EFHC2: variants seen among roughly 807,000 people sequenced by gnomAD.
The protein encoded by EFHC2 is EF-hand domain-containing family member C2.
EFHC2 carries 18 observed loss-of-function variants against 52.7 expected under a neutral mutation model. The observed-to-expected ratio is 0.34, with a 90% CI of 0.24 to 0.51. The LOEUF is 0.51. EFHC2 is among the 20% of genes least tolerant of loss of function. The pLI, the probability that EFHC2 is intolerant of heterozygous loss-of-function variation, is 0.97. For missense variants in EFHC2, 513 were observed against 562.5 expected (o/e 0.91, Z 0.89); for synonymous variants, 203 against 204.1 (o/e 0.99, Z 0.04).
intron 3 of EFHC2, among the ~76,000 whole-genome samples, chrX:44,264,155 T>C (rs1028145006): frequency 3.6e-5 from 4 of 112,285 alleles, no homozygotes; most frequent in African/African-American, 1.3e-4. Context: ...GATCTTGAAG[T>C]TGGGCTTTCA....
intron 10 of EFHC2, among the ~76,000 whole-genome samples, chrX:44,232,236 T>G (rs2037283518): frequency 8.9e-6 from 1 of 112,409 alleles, no homozygotes; most frequent in African/African-American, 3.2e-5. Flanking sequence ...CCCTGCCTCC[T>G]GCCTGTGCCT....
intron 1 of EFHC2, among the ~76,000 whole-genome samples, chrX:44,330,009 GAGGCTGAGGC>G (rs1427238699): frequency 6.6e-5 from 7 of 105,710 alleles, no homozygotes. Flanking sequence ...AGCACTGTGG[GAGGCTGAGGC>G]AGGTGCATCT....
At chrX:44,152,250 T>G (rs191468847) in intron 14 of EFHC2, among the ~76,000 whole-genome samples, 5 of 111,584 alleles carry the variant, frequency 4.5e-5, no homozygotes, top group African/African-American at 1.6e-4. Flanking sequence ...ATAAGTATTA[T>G]GATGATAATC....
chrX:44,224,308 T>C (rs73196193), intron 11 of EFHC2, among the ~76,000 whole-genome samples: 3,720 of 112,060 alleles, frequency 0.033, 81 homozygotes, highest in Non-Finnish European at 0.05. Flanking sequence ...CACCATGCAC[T>C]AGTCAGCTAC....
intron 4 of EFHC2, among the ~76,000 whole-genome samples, chrX:44,250,825 GAAAAAAA>G (rs752731813): frequency 2.1e-5 from 1 of 46,982 alleles, no homozygotes; most frequent in Non-Finnish European, 4.5e-5. Flanking sequence ...ACTCCATTTC[GAAAAAAA>G]AAAAAAAAAA....
intron 13 of EFHC2, among the ~76,000 whole-genome samples, chrX:44,168,504 C>A (rs961177667): frequency 9.2e-6 from 1 of 108,511 alleles, no homozygotes; most frequent in African/African-American, 3.4e-5. Context: ...TACACTCCGG[C>A]CTGGGCGACA....
chrX:44,311,412 A>C (rs2037946866), intron 2 of EFHC2, among the ~76,000 whole-genome samples: 2 of 111,998 alleles, frequency 1.8e-5, no homozygotes, highest in Non-Finnish European at 3.8e-5. Flanking sequence ...AGCTGCTAAA[A>C]ACCACCTGGT....
At chrX:44,172,577 G>C (rs1162263692) in intron 13 of EFHC2, among the ~76,000 whole-genome samples, 1 of 111,717 alleles carries the variant, frequency 9.0e-6, no homozygotes. Context: ...AAAAATGAAC[G>C]AGATCTAGTC....
chrX:44,272,771 T>C lies in EFHC2; in HGVS notation c.297A>G (p.Ile99Met). 2.6e-6 allele frequency: 3 copies of C among 1,167,519 alleles called. No homozygotes were observed. The South Asian group carries it at 5.7e-5, about 22-fold the overall frequency. ...VLDKSQTNYR[I>M]RYYKIYFYPE... Reference sequence around the variant, plus strand: ...GGTAGAAGTAGATTTTATAGTATCTTATTCTGTAGTTGGTTTGGCTTTTAT... The same window carrying C: ...GGTAGAAGTAGATTTTATAGTATCTCATTCTGTAGTTGGTTTGGCTTTTAT... Residue 99 changes from isoleucine (I) to methionine (M), a missense_variant, in exon 3 of 15, where the codon ATA becomes ATG. Ile to Met is a conservative substitution (Grantham distance 10). Transcript: ENST00000420999.
At chrX:44,308,366 T>C (rs1454292786) in intron 2 of EFHC2, among the ~76,000 whole-genome samples, 1 of 108,629 alleles carries the variant, frequency 9.2e-6, no homozygotes, top group Admixed American at 1.0e-4. Context: ...TTTAATTTAA[T>C]CATAGCACAT....
At chrX:44,270,077 G>A (rs889106391) in intron 3 of EFHC2, among the ~76,000 whole-genome samples, 4 of 111,481 alleles carry the variant, frequency 3.6e-5, no homozygotes, top group Non-Finnish European at 5.6e-5. Flanking sequence ...CTCTTGGACT[G>A]GTGGCCTTGC....
chrX:44,157,083 A>G (rs1050902507), intron 14 of EFHC2, among the ~76,000 whole-genome samples: 1 of 112,666 alleles, frequency 8.9e-6, no homozygotes, highest in Non-Finnish European at 1.9e-5. Flanking sequence ...GCTTACATCC[A>G]ACCATGTAGG....
At chrX:44,234,990 C>T (rs754439077) in intron 9 of EFHC2, among the ~76,000 whole-genome samples, 1 of 111,379 alleles carries the variant, frequency 9.0e-6, no homozygotes, top group Non-Finnish European at 1.9e-5. Context: ...GTACTCAGAC[C>T]ATGATTTTGA....
chrX:44,301,956 T>C (rs911913761), intron 2 of EFHC2, among the ~76,000 whole-genome samples: 4 of 112,301 alleles, frequency 3.6e-5, no homozygotes, highest in African/African-American at 1.3e-4. Flanking sequence ...TTTTGGCTAC[T>C]ACGAATAATG....
At chrX:44,293,537 T>TGAAAGCAA (rs1402741438) in intron 2 of EFHC2, among the ~76,000 whole-genome samples, 7 of 106,808 alleles carry the variant, frequency 6.6e-5, no homozygotes, top group African/African-American at 2.7e-4. Context: ...TTTTTGCCAT[T>TGAAAGCAA]TCTTTGCTTG....
intron 2 of EFHC2, among the ~76,000 whole-genome samples, chrX:44,304,522 C>T (rs73628336): frequency 0.13 from 14,918 of 111,070 alleles, 742 homozygotes; most frequent in Admixed American, 0.2. Flanking sequence ...TATTTGCTTC[C>T]TACTCATGGA....
intron 13 of EFHC2, among the ~76,000 whole-genome samples, chrX:44,175,420 T>C (rs1325358987): frequency 2.7e-5 from 3 of 111,384 alleles, no homozygotes; most frequent in Non-Finnish European, 5.6e-5. Flanking sequence ...GACATCCTAA[T>C]CTACTGGCTA....
chrX:44,167,824 T>G (rs1431248487), intron 13 of EFHC2, among the ~76,000 whole-genome samples: 1 of 112,015 alleles, frequency 8.9e-6, no homozygotes, highest in Non-Finnish European at 1.9e-5. Flanking sequence ...AACTAGCTCA[T>G]GTTTCTTGGA....
chrX:44,327,837 A>G (rs1009699604), intron 1 of EFHC2, among the ~76,000 whole-genome samples: 1 of 112,062 alleles, frequency 8.9e-6, no homozygotes, highest in Non-Finnish European at 1.9e-5. Context: ...TTTTAAGCTA[A>G]TTTCCTCTCT....
Sources: allele counts gnomAD v4.1 joint callset (sites outside exome capture counted in the v4.1 genomes callset), GRCh38; gene constraint gnomAD v4.1.1; transcripts MANE v1.5; gene names NCBI Gene and HGNC (gene_info 2026-07-23, HGNC 2026-07-21).